The following DLGAP2 variants were observed in gnomAD, a reference collection of about 807,000 sequenced individuals.
DLGAP2 encodes the protein DLG associated protein 2.
In DLGAP2, 26 loss-of-function variants were observed where a neutral mutation model predicts 100.3. The observed-to-expected ratio is 0.26, with a 90% CI of 0.19 to 0.36. The LOEUF (loss-of-function observed/expected upper bound fraction) is 0.36, where lower values mean the gene tolerates loss of function less well. Ranked by LOEUF, DLGAP2 falls within the 10% of genes least tolerant of loss-of-function variation. The pLI, the probability that DLGAP2 is intolerant of heterozygous loss-of-function variation, is 1.00. For synonymous variants in DLGAP2, 886 were observed against 630.1 expected (o/e 1.41, Z -6.08); for missense variants, 1,858 against 1,453.2 (o/e 1.28, Z -4.53).
intron 3 of DLGAP2, among the ~76,000 whole-genome samples, chr8:1,441,835 A>G (rs1041646689): frequency 6.6e-6 from 1 of 151,190 alleles, no homozygotes; most frequent in African/African-American, 2.4e-5. Context: ...TGGGATGTGC[A>G]GGACATGCAG....
At chr8:1,610,712 C>T (rs1796968022) in intron 6 of DLGAP2, among the ~76,000 whole-genome samples, 1 of 141,784 alleles carries the variant, frequency 7.1e-6, no homozygotes. Context: ...GGGATATCAC[C>T]ACCGATCCCA....
chr8:821,251 T>C (rs976059585), intron 1 of DLGAP2, among the ~76,000 whole-genome samples: 10 of 152,188 alleles, frequency 6.6e-5, no homozygotes, highest in African/African-American at 2.2e-4. Flanking sequence ...TAGCAGGCAA[T>C]GTTCAGCAGC....
chr8:1,276,073 A>G (rs991350447), intron 3 of DLGAP2, among the ~76,000 whole-genome samples: 4 of 139,802 alleles, frequency 2.9e-5, no homozygotes, highest in Admixed American at 7.6e-5. Flanking sequence ...ATAAATATAT[A>G]ATATATAAAT....
At chr8:1,460,499 C>A (rs990600619) in intron 3 of DLGAP2, among the ~76,000 whole-genome samples, 1 of 152,176 alleles carries the variant, frequency 6.6e-6, no homozygotes, top group Non-Finnish European at 1.5e-5. Flanking sequence ...GCCTCTCCTT[C>A]CCCTCTGTCA....
At chr8:1,459,576 A>G (rs1163926179) in intron 3 of DLGAP2, among the ~76,000 whole-genome samples, 1 of 152,206 alleles carries the variant, frequency 6.6e-6, no homozygotes, top group Non-Finnish European at 1.5e-5. Context: ...TATTGTTTAT[A>G]AAATTGATTA....
At chr8:780,460 G>T (rs1821653457) in intron 1 of DLGAP2, among the ~76,000 whole-genome samples, 1 of 152,226 alleles carries the variant, frequency 6.6e-6, no homozygotes, top group African/African-American at 2.4e-5. Context: ...TAGTGGTACA[G>T]ACATCTCAAC....
intron 3 of DLGAP2, among the ~76,000 whole-genome samples, chr8:1,313,896 A>T (rs1800668835): frequency 6.6e-6 from 1 of 151,732 alleles, no homozygotes; most frequent in Non-Finnish European, 1.5e-5. Flanking sequence ...AATCCACCTG[A>T]CCCCCAAGAA....
chr8:1,320,306 C>G (rs1350221175), intron 3 of DLGAP2, among the ~76,000 whole-genome samples: 2 of 152,032 alleles, frequency 1.3e-5, no homozygotes, highest in African/African-American at 2.4e-5. Flanking sequence ...GTGGCAGCTA[C>G]CAGGAGATGC....
At chr8:952,449 C>A (rs1799503875) in intron 2 of DLGAP2, among the ~76,000 whole-genome samples, 1 of 152,008 alleles carries the variant, frequency 6.6e-6, no homozygotes, top group South Asian at 2.1e-4. Context: ...CCAGCCTGGC[C>A]AACATGGTGA....
intron 2 of DLGAP2, among the ~76,000 whole-genome samples, chr8:1,218,374 A>C (rs149194798): frequency 8.5e-5 from 13 of 152,062 alleles, no homozygotes; most frequent in African/African-American, 3.1e-4. Flanking sequence ...GTTATTGTCA[A>C]CTTTGTCAAA....
intron 3 of DLGAP2, among the ~76,000 whole-genome samples, chr8:1,329,732 C>G (rs1019593682): frequency 1.3e-5 from 2 of 152,162 alleles, no homozygotes; most frequent in African/African-American, 2.4e-5. Flanking sequence ...AGCAGAGACC[C>G]TGGGGCTTGG....
chr8:1,254,530 C>T (rs981960496), intron 2 of DLGAP2, among the ~76,000 whole-genome samples: 15 of 152,112 alleles, frequency 9.9e-5, no homozygotes, highest in Non-Finnish European at 1.6e-4. Context: ...CCGTGGGGCG[C>T]GATCATTGGC....
intron 3 of DLGAP2, among the ~76,000 whole-genome samples, chr8:1,321,770 A>C (rs1409560188): frequency 6.6e-6 from 1 of 152,222 alleles, no homozygotes; most frequent in Non-Finnish European, 1.5e-5. Flanking sequence ...TAGAATTCTA[A>C]AGGGGAAAAT....
chr8:1,672,943 C>T (rs1798727449), intron 10 of DLGAP2, among the ~76,000 whole-genome samples: 3 of 152,210 alleles, frequency 2.0e-5, no homozygotes, highest in South Asian at 2.1e-4. Context: ...TACTAGTGAG[C>T]GGTTCCTGCT....
At chr8:1,032,786 C>G (rs143291327) in intron 2 of DLGAP2, 1 of 152,180 alleles carries the variant, frequency 6.6e-6, no homozygotes, top group Non-Finnish European at 1.5e-5. Flanking sequence ...CTGCCTGTGA[C>G]GCATCCCGTT....
At chr8:865,130 C>G (rs1179783615) in intron 1 of DLGAP2, among the ~76,000 whole-genome samples, 1 of 152,202 alleles carries the variant, frequency 6.6e-6, no homozygotes. Flanking sequence ...AAGGGGGCCC[C>G]TTCCAGATCT....
chr8:1,006,885 G>T (rs1364254439), intron 2 of DLGAP2, among the ~76,000 whole-genome samples: 1 of 114,528 alleles, frequency 8.7e-6, no homozygotes, highest in Non-Finnish European at 1.8e-5. Context: ...CTGAAGTCTC[G>T]GGATGTGGTC....
intron 3 of DLGAP2, among the ~76,000 whole-genome samples, chr8:1,429,408 C>G (rs1797342863): frequency 6.6e-6 from 1 of 152,146 alleles, no homozygotes; most frequent in Non-Finnish European, 1.5e-5. Context: ...TCACTGTGAG[C>G]TCATGGGGTC....
intron 2 of DLGAP2, among the ~76,000 whole-genome samples, chr8:1,222,987 G>A (rs1798345896): frequency 6.6e-6 from 1 of 152,152 alleles, no homozygotes; most frequent in Non-Finnish European, 1.5e-5. Flanking sequence ...CCATGGCTGA[G>A]CTCCACTGCA....
Sources: allele counts gnomAD v4.1 joint callset (sites outside exome capture counted in the v4.1 genomes callset), GRCh38; gene constraint gnomAD v4.1.1; transcripts MANE v1.5; gene names NCBI Gene and HGNC (gene_info 2026-07-23, HGNC 2026-07-21).